The following TMEM273 variants were observed in gnomAD, a reference collection of about 807,000 sequenced individuals.
TMEM273 encodes chromosome 10 open reading frame 128.
A neutral mutation model predicts 17.9 loss-of-function variants in TMEM273; 19 were observed. The observed-to-expected ratio is 1.06, with a 90% confidence interval of 0.74 to 1.55. TMEM273 has a LOEUF of 1.55. Ranked by LOEUF, TMEM273 falls within the 40% of genes most tolerant of loss-of-function variation. TMEM273 has a pLI of 0.00. For synonymous variants in TMEM273, 66 were observed against 62.0 expected (o/e 1.07, Z -0.31); for missense variants, 194 against 155.6 (o/e 1.25, Z -1.31).
At chr10:49,186,070 A>AGGAAGAAGAAGAAGAGGG (rs2132308681) in intron 1 of TMEM273, among the ~76,000 whole-genome samples, 4 of 136,130 alleles carry the variant, frequency 2.9e-5, no homozygotes, top group African/African-American at 1.2e-4. Context: ...GAAGAAGAGG[A>AGGAAGAAGAAGAAGAGGG]AGAAGAAGAA....
chr10:49,159,778 C>A (rs775706730), intron 6 of TMEM273, among the ~76,000 whole-genome samples: 1 of 151,966 alleles, frequency 6.6e-6, no homozygotes, highest in South Asian at 2.1e-4. Context: ...GAAAATTAGA[C>A]CCTTGTGCTA....
At chr10:49,163,133 G>C (rs373502765) in intron 5 of TMEM273, among the ~76,000 whole-genome samples, 9 of 152,284 alleles carry the variant, frequency 5.9e-5, no homozygotes, top group South Asian at 2.1e-4. Context: ...CTCTTAGGGC[G>C]GGGGGAAGGG....
chr10:49,172,216 G>A (rs1050663315), intron 1 of TMEM273, among the ~76,000 whole-genome samples: 1 of 152,158 alleles, frequency 6.6e-6, no homozygotes, highest in East Asian at 1.9e-4. Flanking sequence ...TGTAAATAAA[G>A]AGCCTATAGG....
Position 49,188,278 on chromosome 10 carries a change from C to A in TMEM273, c.43+16G>T, listed in dbSNP as rs546449007. ...GAGGCTCCCCCGGGCCAGAGACCCC[C>A]GCAGTCCCCACTTACCCAGGAGGAA... On this transcript the variant is annotated intron_variant, in intron 1 of 6. Transcript: ENST00000374153. 1 of 1,614,034 alleles carries A rather than the reference C, an allele frequency of 6.2e-7. No homozygotes were observed. Among genetic ancestry groups the A allele is most frequent in the South Asian group, 1.1e-5 (1 of 91,062 alleles).
In TMEM273 at chr10:49,167,900, G is replaced by A. The variant is rs766224867; in HGVS notation, c.97+9C>T. ...CCCTGTGCACAGAATAACATGGGCA[G>A]CCACGTACCAATTTCAGCCCCAGGG... On this transcript the variant is annotated intron_variant, in intron 2 of 6. Transcript: ENST00000374153. 5 of 1,613,978 alleles carry A rather than the reference G, an allele frequency of 3.1e-6. No individual in the cohort carries two copies. Among genetic ancestry groups the A allele is most frequent in the East Asian group, 2.2e-5 (1 of 44,860 alleles).
chr10:49,188,331 G>A lies in TMEM273; in HGVS notation c.6C>T (p.Asn2=). M[N]LGVSMLRILF... is the part of the protein sequence containing the mutation. The stretch of plus-strand genomic sequence containing the variant: ...GGATCCTCAGCATGCTGACCCCCAA[G>A]TTCATGCTGGCGCTCTGCTCTTGGC... Residue 2 remains asparagine (N), a synonymous_variant, in exon 1 of 7, where the codon AAC becomes AAT. Transcript: ENST00000374153. The A allele has an allele frequency of 6.2e-7, 1 of 1,614,212 alleles. No individual in the cohort carries two copies. The highest frequency in any genetic ancestry group is 8.5e-7 in the Non-Finnish European group (1 of 1,180,030).
intron 1 of TMEM273, among the ~76,000 whole-genome samples, chr10:49,177,257 C>G (rs1015043992): frequency 2.6e-5 from 4 of 152,222 alleles, no homozygotes; most frequent in Non-Finnish European, 5.9e-5. Flanking sequence ...GTGCAGTTAT[C>G]TGGGAATCTG....
Position 49,155,189 on chromosome 10 carries a change from C to T in TMEM273, c.*703G>A, listed in dbSNP as rs1340369662. On this transcript the variant is annotated 3_prime_UTR_variant, in exon 7 of 7. Transcript: ENST00000374153. ...AAGGAGAAAAATAATAACTGACATT[C>T]ATGGCCCTCTGCAAGGCACAGCATC... 1 of 152,410 alleles carries T rather than the reference C, an allele frequency of 6.6e-6. No homozygotes were observed. Among genetic ancestry groups the T allele is most frequent in the East Asian group, 1.9e-4 (1 of 5,202 alleles). The allele number at this position is 152,410 out of a possible 1,614,324, so 9.4% of individuals were successfully genotyped here. A position where few individuals can be genotyped will look rare whatever the true frequency, so the allele number is the denominator to read the frequency against.
At chr10:49,182,027 G>T (rs1440219936) in intron 1 of TMEM273, among the ~76,000 whole-genome samples, 1 of 152,174 alleles carries the variant, frequency 6.6e-6, no homozygotes, top group African/African-American at 2.4e-5. Context: ...AGAAAAATGG[G>T]CAGAAGTCAT....
At chr10:49,175,686 G>A (rs997280237) in intron 1 of TMEM273, among the ~76,000 whole-genome samples, 8 of 152,248 alleles carry the variant, frequency 5.3e-5, no homozygotes, top group African/African-American at 1.9e-4. Flanking sequence ...CTGAACCAGG[G>A]CTAGGAGCTC....
At chr10:49,187,998 T>C (rs1184633567) in intron 1 of TMEM273, among the ~76,000 whole-genome samples, 1 of 152,198 alleles carries the variant, frequency 6.6e-6, no homozygotes, top group African/African-American at 2.4e-5. Context: ...CAGAAGCTTA[T>C]TCTAGTTTAT....
chr10:49,178,214 C>T lies in TMEM273; in HGVS notation c.43+10080G>A, dbSNP rs1203245538. 1.7e-5 allele frequency: 8 copies of T among 457,248 alleles called. No individual in the cohort carries two copies. The East Asian group carries it at 5.6e-4, about 32-fold the overall frequency. The allele number at this position is 457,248 out of a possible 1,614,324, so 28.3% of individuals were successfully genotyped here. ...TCTCATTCTCCCCTCTTGCACAACC[C>T]CTGTAGTCCATGCTGCCCTTGCCCG... On this transcript the variant is annotated intron_variant, in intron 1 of 6. Coordinates refer to ENST00000374153, the MANE Select transcript of TMEM273 (RefSeq NM_001288740.3).
chr10:49,166,087 C>T (rs993717551), intron 3 of TMEM273, among the ~76,000 whole-genome samples: 1 of 152,228 alleles, frequency 6.6e-6, no homozygotes, highest in South Asian at 2.1e-4. Context: ...AGACCAGCCC[C>T]TTCTGCTTAT....
intron 1 of TMEM273, among the ~76,000 whole-genome samples, chr10:49,180,196 G>A (rs1346817116): frequency 3.9e-5 from 6 of 152,290 alleles, no homozygotes; most frequent in African/African-American, 7.2e-5. Context: ...CAGCCACCAC[G>A]AGGCTACCCC....
At chr10:49,175,560 C>G (rs1337498342) in intron 1 of TMEM273, among the ~76,000 whole-genome samples, 4 of 152,254 alleles carry the variant, frequency 2.6e-5, no homozygotes, top group African/African-American at 9.6e-5. Context: ...GCACTCTTTG[C>G]TAATTAATTC....
intron 1 of TMEM273, among the ~76,000 whole-genome samples, chr10:49,175,725 G>T (rs1380419680): frequency 6.6e-6 from 1 of 152,220 alleles, no homozygotes; most frequent in Admixed American, 6.5e-5. Flanking sequence ...CCCCCCACCT[G>T]GTGTCCCAGG....
chr10:49,167,789 C>A, intron 2 of TMEM273, 120 bp downstream of exon 2: 1 of 1,316,634 alleles, frequency 7.6e-7, no homozygotes. Context: ...TGAGGGTGCC[C>A]CTTTTCCTAT....
At position 49,165,187 on chromosome 10, in the gene TMEM273, G is replaced by C; in HGVS notation, c.348+18C>G. On this transcript the variant is annotated intron_variant, in intron 5 of 6. Transcript: ENST00000374153. ...CAAAGAGAAGAGAATGGTGGCTGGA[G>C]TCGAGAGGGGATTGTACCTTAAATA... 1.9e-6 allele frequency: 3 copies of C among 1,540,008 alleles called. No homozygotes were observed. The highest frequency in any genetic ancestry group is 2.6e-6 in the Non-Finnish European group (3 of 1,143,092).
intron 5 of TMEM273, among the ~76,000 whole-genome samples, chr10:49,164,329 C>T (rs1211258796): frequency 1.3e-5 from 2 of 152,174 alleles, no homozygotes; most frequent in Non-Finnish European, 2.9e-5. Flanking sequence ...TCCTCCTTAA[C>T]TTTGTTCCCA....
Sources: allele counts gnomAD v4.1 joint callset (sites outside exome capture counted in the v4.1 genomes callset), GRCh38; gene constraint gnomAD v4.1.1; transcripts MANE v1.5; gene names NCBI Gene and HGNC (gene_info 2026-07-23, HGNC 2026-07-21).